Variants in EYA2 observed in about 807,000 individuals in gnomAD.
EYA2 encodes the protein EYA transcriptional coactivator and phosphatase 2.
EYA2 carries 31 observed loss-of-function variants against 69.2 expected under a neutral mutation model. The ratio of observed to expected loss-of-function variants is 0.45; its 90% CI spans 0.34 to 0.60. The LOEUF (loss-of-function observed/expected upper bound fraction) is 0.60. Ranked by LOEUF, EYA2 falls within the 20% of genes least tolerant of loss-of-function variation. The pLI is 0.02. For synonymous variants in EYA2, 257 were observed against 279.4 expected (o/e 0.92, Z 0.80); for missense variants, 622 against 701.2 (o/e 0.89, Z 1.28).
intron 5 of EYA2, among the ~76,000 whole-genome samples, chr20:47,065,217 G>A (rs2031065182): frequency 1.3e-5 from 2 of 152,134 alleles, no homozygotes; most frequent in South Asian, 4.1e-4. Context: ...GATTTGGGTG[G>A]GGACACAGCC....
intron 1 of EYA2, among the ~76,000 whole-genome samples, chr20:46,912,417 T>A (rs965393003): frequency 6.6e-6 from 1 of 152,180 alleles, no homozygotes; most frequent in African/African-American, 2.4e-5. Flanking sequence ...AGGTTTCCCA[T>A]GATAACTGTA....
chr20:47,006,041 C>T (rs1414032508), intron 4 of EYA2, among the ~76,000 whole-genome samples: 1 of 152,214 alleles, frequency 6.6e-6, no homozygotes, highest in Non-Finnish European at 1.5e-5. Context: ...AATATCAGGA[C>T]TCAGCCTCTG....
At chr20:46,915,402 A>G (rs1423618264) in intron 1 of EYA2, among the ~76,000 whole-genome samples, 1 of 152,150 alleles carries the variant, frequency 6.6e-6, no homozygotes, top group Non-Finnish European at 1.5e-5. Context: ...AGTGCTTTTC[A>G]GAGAGGCCTG....
chr20:46,963,613 C>G (rs1979610373), intron 1 of EYA2, among the ~76,000 whole-genome samples: 1 of 152,200 alleles, frequency 6.6e-6, no homozygotes, highest in Admixed American at 6.5e-5. Context: ...AATGTCCAGG[C>G]CTTATCCCCA....
At position 47,005,013 on chromosome 20, in the gene EYA2, C is replaced by G. The variant is rs562465244; in HGVS notation, c.227C>G (p.Ala76Gly). The G allele has an allele frequency of 5.7e-5, 92 of 1,613,928 alleles. No individual in the cohort carries two copies. The highest frequency in any genetic ancestry group is 7.4e-5 in the Non-Finnish European group (87 of 1,179,974). Residue 76 changes from alanine (A) to glycine (G), a missense_variant, in exon 4 of 16, where the codon GCG (alanine) becomes GGG (glycine). Ala to Gly is a moderately conservative substitution (Grantham distance 60, BLOSUM62 0). Around this residue, in one of 2 missense-constraint regions of EYA2, gnomAD observed 365 missense variants for 349.7 expected, o/e 1.04. Transcript: ENST00000327619. ...GCCTACGGCCAGACGCAGTACAGTG[C>G]GGGGATCCAGCAGGCTACCCCCTAT... ...MAAYGQTQYS[A>G]GIQQATPYTA...
At chr20:47,154,069 G>A (rs192236377) in intron 10 of EYA2, among the ~76,000 whole-genome samples, 2 of 152,092 alleles carry the variant, frequency 1.3e-5, no homozygotes, top group Admixed American at 6.5e-5. Context: ...TGGCTTACAC[G>A]ACAGAAATTT....
At chr20:46,917,320 C>A (rs1266349588) in intron 1 of EYA2, among the ~76,000 whole-genome samples, 1 of 152,182 alleles carries the variant, frequency 6.6e-6, no homozygotes, top group Non-Finnish European at 1.5e-5. Flanking sequence ...AGACTCCCTG[C>A]CAAGAGGGGA....
intron 1 of EYA2, among the ~76,000 whole-genome samples, chr20:46,942,932 A>G (rs143139872): frequency 0.02 from 3,001 of 152,222 alleles, 49 homozygotes; most frequent in Middle Eastern, 0.034. Context: ...CGTCTGGCTA[A>G]TTTTTGTATT....
chr20:46,997,929 T>C (rs1344827705), intron 2 of EYA2: 1 of 152,280 alleles, frequency 6.6e-6, no homozygotes. Context: ...TGATGGTCTG[T>C]GTTTGAGATG....
At chr20:46,901,797 G>A (rs1182631761) in intron 1 of EYA2, 1 of 152,186 alleles carries the variant, frequency 6.6e-6, no homozygotes, top group Non-Finnish European at 1.5e-5. Context: ...GTGTCACGTG[G>A]TATAACAAGT....
At chr20:46,944,248 G>C (rs1282126171) in intron 1 of EYA2, among the ~76,000 whole-genome samples, 2 of 151,458 alleles carry the variant, frequency 1.3e-5, no homozygotes, top group East Asian at 3.9e-4. Flanking sequence ...CCCGTGCGCA[G>C]ATCCCTGTGG....
chr20:47,168,845 A>G (rs1418240313), intron 10 of EYA2, among the ~76,000 whole-genome samples: 1 of 152,154 alleles, frequency 6.6e-6, no homozygotes, highest in Admixed American at 6.5e-5. Flanking sequence ...TCCCCCTAGT[A>G]TAATACCATC....
chr20:47,043,384 C>G (rs938491982), intron 5 of EYA2, among the ~76,000 whole-genome samples: 1 of 152,134 alleles, frequency 6.6e-6, no homozygotes, highest in African/African-American at 2.4e-5. Context: ...ACAGGAGTCT[C>G]AGGAAGGAGG....
chr20:46,967,593 G>A (rs1979867688), intron 1 of EYA2, among the ~76,000 whole-genome samples: 2 of 152,152 alleles, frequency 1.3e-5, no homozygotes, highest in Non-Finnish European at 2.9e-5. Context: ...AGGACAGAGG[G>A]AACAGCTGTG....
intron 1 of EYA2, among the ~76,000 whole-genome samples, chr20:46,944,496 C>T (rs1978342163): frequency 1.3e-5 from 2 of 152,202 alleles, no homozygotes; most frequent in South Asian, 2.1e-4. Context: ...ACACCAAGCA[C>T]TCAGGGCATG....
intron 1 of EYA2, among the ~76,000 whole-genome samples, chr20:46,950,149 G>A (rs1978708868): frequency 6.6e-6 from 1 of 152,186 alleles, no homozygotes; most frequent in Non-Finnish European, 1.5e-5. Context: ...GGTGGACAGG[G>A]CAAGGGTTTC....
intron 1 of EYA2, among the ~76,000 whole-genome samples, chr20:46,910,808 C>T (rs1234906734): frequency 6.6e-6 from 1 of 152,198 alleles, no homozygotes; most frequent in African/African-American, 2.4e-5. Context: ...AGAATGGAGC[C>T]AACTTTGAAG....
At chr20:47,074,889 A>G (rs1324471348) in intron 7 of EYA2, among the ~76,000 whole-genome samples, 5 of 152,146 alleles carry the variant, frequency 3.3e-5, no homozygotes, top group Non-Finnish European at 7.4e-5. Flanking sequence ...AGGCGGGTGG[A>G]TCACCTGAGG....
chr20:47,037,944 C>T (rs1055088418), intron 5 of EYA2, among the ~76,000 whole-genome samples: 2 of 152,180 alleles, frequency 1.3e-5, no homozygotes, highest in East Asian at 3.9e-4. Flanking sequence ...CTCTACCACA[C>T]GTGTTCATCA....
Sources: gnomAD v4.1 joint callset for allele counts (sites outside exome capture counted in the v4.1 genomes callset) on GRCh38, gnomAD v4.1.1 for gene constraint, gnomAD v4.1.1 regional missense constraint, MANE v1.5 for transcripts, NCBI Gene and HGNC (gene_info 2026-07-23, HGNC 2026-07-21) for gene names.